Variants in GABRG3 observed in about 807,000 individuals in gnomAD.
GABRG3 encodes gamma-aminobutyric acid receptor subunit gamma-3.
In GABRG3, 25 loss-of-function variants were observed where a neutral mutation model predicts 48.8. That is an observed-to-expected ratio of 0.51 (90% CI 0.37 to 0.72). The LOEUF (loss-of-function observed/expected upper bound fraction) is 0.72. GABRG3 is among the 30% of genes least tolerant of loss of function. The pLI is 0.00. For synonymous variants in GABRG3, 227 were observed against 217.6 expected, an observed-to-expected ratio of 1.04 and a Z score of -0.38; for missense variants, 394 against 577.9, an observed-to-expected ratio of 0.68 and a Z score of 3.26.
Position 27,298,945 on chromosome 15 carries a change from GAAC to G in GABRG3, c.271-27852_271-27850del, listed in dbSNP as rs1254916452. Among the ~76,000 whole-genome samples, 17 of 151,924 alleles carry G rather than the reference GAAC, an allele frequency of 1.1e-4. No individual in the cohort carries two copies. The South Asian group carries it at 3.3e-3, about 30-fold the overall frequency. On this transcript the variant is annotated intron_variant, in intron 3 of 9. Coordinates refer to ENST00000615808, the MANE Select transcript of GABRG3 (RefSeq NM_033223.5). Reference sequence around the variant, plus strand: ...AATAAGTTCCTGTTCTGGGTTAAATGAACAACAACAACAAAAAATGCTTCATTT... The same window carrying G: ...AATAAGTTCCTGTTCTGGGTTAAATGAACAACAACAAAAAATGCTTCATTT...
chr15:27,242,339 T>G (rs1054808049), intron 3 of GABRG3, among the ~76,000 whole-genome samples: 1 of 152,198 alleles, frequency 6.6e-6, no homozygotes, highest in Non-Finnish European at 1.5e-5. Flanking sequence ...TCTACCATGC[T>G]GTGACATTAG....
At chr15:27,193,664 G>C (rs908689749) in intron 3 of GABRG3, among the ~76,000 whole-genome samples, 11 of 152,188 alleles carry the variant, frequency 7.2e-5, no homozygotes, top group Admixed American at 2.0e-4. Context: ...CTGACCCCTT[G>C]CACTTCCCGA....
intron 6 of GABRG3, among the ~76,000 whole-genome samples, chr15:27,487,691 A>G (rs1890253465): frequency 1.3e-5 from 2 of 152,316 alleles, no homozygotes; most frequent in South Asian, 4.1e-4. Flanking sequence ...TTTCCATTGT[A>G]GGATTATATT....
chr15:27,412,173 C>T (rs773730120), intron 5 of GABRG3, among the ~76,000 whole-genome samples: 5 of 151,936 alleles, frequency 3.3e-5, no homozygotes, highest in African/African-American at 9.7e-5. Flanking sequence ...CACATGCAAC[C>T]GTAAGAAATA....
intron 5 of GABRG3, among the ~76,000 whole-genome samples, chr15:27,399,062 C>A (rs536389907): frequency 1.3e-5 from 2 of 152,268 alleles, no homozygotes; most frequent in South Asian, 4.1e-4. Context: ...GCATGGCAGA[C>A]CTTTCCTCTC....
chr15:27,026,913 C>G (rs17137552), intron 3 of GABRG3, 92 bp downstream of exon 3: 1 of 796,888 alleles, frequency 1.3e-6, no homozygotes, highest in Admixed American at 3.3e-5. Context: ...TTTATCATGC[C>G]GGTTTAAAAC....
chr15:27,143,127 G>A (rs1898135271), intron 3 of GABRG3, among the ~76,000 whole-genome samples: 2 of 152,114 alleles, frequency 1.3e-5, no homozygotes, highest in Admixed American at 6.6e-5. Context: ...TCACTGCACT[G>A]AAGTGCAGTA....
chr15:26,986,210 C>CAG lies in GABRG3; in HGVS notation c.202+9061_202+9062insGA, dbSNP rs1488511666. On this transcript the variant is annotated intron_variant, in intron 2 of 9. Transcript: ENST00000615808. ...ATTACTGTATATCCAGAAAATAATT[C>CAG]AAATGTATTCACTCCACTCTCGGAA... Among the ~76,000 whole-genome samples the CAG allele has an allele frequency of 1.2e-3, 185 of 152,244 alleles. 1 individual carries two copies. Among genetic ancestry groups the CAG allele is most frequent in the African/African-American group, 4.4e-3 (181 of 41,542 alleles).
intron 3 of GABRG3, among the ~76,000 whole-genome samples, chr15:27,163,742 A>G (rs989536280): frequency 8.5e-5 from 13 of 152,240 alleles, no homozygotes; most frequent in Admixed American, 3.3e-4. Context: ...CAATTTTCCA[A>G]ACCTCTTGAG....
At chr15:27,172,570 G>C (rs1266169207) in intron 3 of GABRG3, among the ~76,000 whole-genome samples, 2 of 152,166 alleles carry the variant, frequency 1.3e-5, no homozygotes, top group Non-Finnish European at 1.5e-5. Context: ...TCCACTGGCT[G>C]TTCGGCACTC....
At position 27,535,936 on chromosome 15, in the gene GABRG3, T is replaced by A. The variant is rs1595818062; in HGVS notation, c.*3055T>A. 1 of 152,280 alleles carries A rather than the reference T, an allele frequency of 6.6e-6. No homozygotes were observed. The highest frequency in any genetic ancestry group is 1.5e-5 in the Non-Finnish European group (1 of 68,070). 9.4% of individuals were successfully genotyped at this position (152,280 alleles called of 1,614,324 possible). ...CGTGTGTGGGCACGAGGTGCAAGGC[T>A]GTTCCACACAGCTAAGCCCCAGCTT... On this transcript the variant is annotated 3_prime_UTR_variant, in exon 10 of 10. Transcript: ENST00000615808.
chr15:27,349,853 GT>G (rs1164772729), intron 5 of GABRG3, among the ~76,000 whole-genome samples: 1 of 151,610 alleles, frequency 6.6e-6, no homozygotes, highest in Non-Finnish European at 1.5e-5. Flanking sequence ...CCCGGGACAT[GT>G]CCTTTCTGGC....
At chr15:27,200,637 G>T in intron 3 of GABRG3, among the ~76,000 whole-genome samples, 1 of 152,174 alleles carries the variant, frequency 6.6e-6, no homozygotes, top group Non-Finnish European at 1.5e-5. Context: ...TCTGTAAGGG[G>T]CTAGATAATA....
At chr15:27,380,239 C>T (rs948644989) in intron 5 of GABRG3, among the ~76,000 whole-genome samples, 1 of 152,122 alleles carries the variant, frequency 6.6e-6, no homozygotes, top group Non-Finnish European at 1.5e-5. Flanking sequence ...TTAATCCTGT[C>T]TTAGAGTTAC....
chr15:27,031,586 A>T (rs986691677), intron 3 of GABRG3, among the ~76,000 whole-genome samples: 1 of 152,202 alleles, frequency 6.6e-6, no homozygotes. Context: ...GACAGGTCCA[A>T]CATCACCAAA....
chr15:27,307,066 TA>T lies in GABRG3; in HGVS notation c.271-19741del, dbSNP rs1892581076. ...AAACATGTTTATATATAAACATGTATAATATAAACATGTTTATATATAAACA... is the reference window on the plus strand; with the variant it reads ...AAACATGTTTATATATAAACATGTATATATAAACATGTTTATATATAAACA... On this transcript the variant is annotated intron_variant, in intron 3 of 9. Coordinates refer to ENST00000615808, the MANE Select transcript of GABRG3 (RefSeq NM_033223.5). 3.2e-5 allele frequency among the ~76,000 whole-genome samples: 4 copies of T among 125,774 alleles called. 1 individual carries two copies. Among genetic ancestry groups the T allele is most frequent in the East Asian group, 2.2e-4 (1 of 4,550 alleles). 82.5% of individuals were successfully genotyped at this position (125,774 alleles called of 152,430 possible).
At chr15:27,286,895 T>C (rs1217596642) in intron 3 of GABRG3, among the ~76,000 whole-genome samples, 7 of 152,154 alleles carry the variant, frequency 4.6e-5, no homozygotes, top group Non-Finnish European at 7.3e-5. Flanking sequence ...ACTCTCTCCC[T>C]CCAGATCCTT....
chr15:27,312,080 T>C (rs970770647), intron 3 of GABRG3, among the ~76,000 whole-genome samples: 1 of 152,068 alleles, frequency 6.6e-6, no homozygotes, highest in Non-Finnish European at 1.5e-5. Context: ...GAACAATTAA[T>C]GGATAAAGTG....
intron 3 of GABRG3, among the ~76,000 whole-genome samples, chr15:27,145,022 A>T (rs208167): frequency 0.24 from 36,158 of 152,106 alleles, 5,663 homozygotes; most frequent in Non-Finnish European, 0.34. Context: ...GGAACAACAA[A>T]CTCTGGGAGA....
Sources: gnomAD v4.1 joint callset for allele counts (sites outside exome capture counted in the v4.1 genomes callset) on GRCh38, gnomAD v4.1.1 for gene constraint, MANE v1.5 for transcripts, NCBI Gene and HGNC (gene_info 2026-07-23, HGNC 2026-07-21) for gene names.